Variants in TPTE2 observed in about 807,000 individuals in gnomAD.
TPTE2 encodes transmembrane phosphoinositide 3-phosphatase and tensin homolog 2, also known as phosphatidylinositol 3,4,5-trisphosphate 3-phosphatase TPTE2.
TPTE2 carries 53 observed loss-of-function variants against 78.6 expected under a neutral mutation model. That is an observed-to-expected ratio of 0.67 (90% CI 0.54 to 0.85). The LOEUF (loss-of-function observed/expected upper bound fraction) is 0.85, where lower values mean the gene tolerates loss of function less well. Ranked by LOEUF, TPTE2 falls within the 40% of genes least tolerant of loss-of-function variation. TPTE2 has a pLI of 0.00. For missense variants in TPTE2, 461 were observed against 623.0 expected, an observed-to-expected ratio of 0.74 and a Z score of 2.77; for synonymous variants, 175 against 206.2, an observed-to-expected ratio of 0.85 and a Z score of 1.30.
chr13:19,492,531 C>G (rs1319396440), intron 3 of TPTE2, among the ~76,000 whole-genome samples: 1 of 152,164 alleles, frequency 6.6e-6, no homozygotes, highest in Non-Finnish European at 1.5e-5. Flanking sequence ...AGAAGCAGCT[C>G]TCCTACGAAC....
At chr13:19,549,275 T>C in the TPTE2 span, among the ~76,000 whole-genome samples, 2 of 152,116 alleles carry the variant, frequency 1.3e-5, no homozygotes, top group African/African-American at 4.8e-5. Flanking sequence ...AAAGGTCTAA[T>C]ATCCAGAATC....
chr13:19,471,958 GT>G (rs972829819), intron 6 of TPTE2, among the ~76,000 whole-genome samples: 7 of 152,170 alleles, frequency 4.6e-5, no homozygotes, highest in African/African-American at 1.7e-4. Context: ...TAGGGTAAAT[GT>G]TTTTTTCCTT....
At chr13:19,542,058 T>A in the TPTE2 span, among the ~76,000 whole-genome samples, 1 of 152,354 alleles carries the variant, frequency 6.6e-6, no homozygotes, top group Non-Finnish European at 1.5e-5. Context: ...TTGAGTAATT[T>A]GCCCATGAAA....
intron 3 of TPTE2, among the ~76,000 whole-genome samples, chr13:19,484,773 G>A (rs1210180152): frequency 6.6e-6 from 1 of 152,084 alleles, no homozygotes; most frequent in African/African-American, 2.4e-5. Context: ...CTTGAACTCT[G>A]TTTTGTCTGA....
At chr13:19,444,288 C>T (rs994676999) in intron 13 of TPTE2, among the ~76,000 whole-genome samples, 3 of 108,336 alleles carry the variant, frequency 2.8e-5, no homozygotes, top group East Asian at 2.9e-4. Context: ...GCCTGGGTGA[C>T]AGAATGAGAC....
intron 1 of TPTE2, among the ~76,000 whole-genome samples, chr13:19,514,592 A>AGAGTGTGTGTGTGTGTGTGTGTGTGT (rs542178212): frequency 1.6e-5 from 2 of 126,822 alleles, no homozygotes; most frequent in African/African-American, 5.4e-5. Flanking sequence ...TACTTCTGAG[A>AGAGTGTGTGTGTGTGTGTGTGTGTGT]GTGTGTGTGT....
intron 1 of TPTE2, among the ~76,000 whole-genome samples, chr13:19,526,313 A>T (rs1296998644): frequency 2.6e-5 from 4 of 152,204 alleles, no homozygotes; most frequent in Non-Finnish European, 4.4e-5. Flanking sequence ...AACTGAATTT[A>T]AAAAATGTGG....
At chr13:19,525,285 T>C (rs116392925) in intron 1 of TPTE2, among the ~76,000 whole-genome samples, 3,858 of 152,256 alleles carry the variant, frequency 0.025, 126 homozygotes, top group African/African-American at 0.074. Flanking sequence ...CCACACTACC[T>C]GACTTCAAAC....
chr13:19,538,386 A>C (rs937581894), upstream of TPTE2, among the ~76,000 whole-genome samples: 1 of 150,594 alleles, frequency 6.6e-6, no homozygotes, highest in South Asian at 2.1e-4. Flanking sequence ...ACCCCCGGCT[A>C]ATTTGTTGTA....
rs1473314079 is a variant in TPTE2, at chr13:19,424,991, A to T, written c.1422T>A (p.Cys474Ter). The T allele has an allele frequency of 1.9e-6, 3 of 1,548,414 alleles. No homozygotes were observed. The highest frequency in any genetic ancestry group is 3.4e-4 in the Middle Eastern group (2 of 5,864). ...ACGTGTTGAACCAGAAGAAAAATGGACAATTGTCATAGTATTTAGGAAGAT... is the reference window on the plus strand; with the variant it reads ...ACGTGTTGAACCAGAAGAAAAATGGTCAATTGTCATAGTATTTAGGAAGAT... Residue 474 changes from cysteine (C) to a stop codon, truncating the protein, a stop_gained, in exon 19 of 20, where the codon TGT becomes TGA. Coordinates refer to ENST00000400230, the Ensembl canonical transcript of TPTE2. LOFTEE classifies it low-confidence loss of function (END_TRUNC).
chr13:19,532,140 G>C (rs1300178833), intron 1 of TPTE2, among the ~76,000 whole-genome samples: 1 of 152,124 alleles, frequency 6.6e-6, no homozygotes, highest in Non-Finnish European at 1.5e-5. Context: ...AATTAAACAG[G>C]CCTCCCAGCC....
At chr13:19,556,540 C>T in the TPTE2 span, among the ~76,000 whole-genome samples, 1 of 152,210 alleles carries the variant, frequency 6.6e-6, no homozygotes, top group East Asian at 1.9e-4. Context: ...CTCCCCCCCA[C>T]CTTTGAGTTG....
chr13:19,518,430 T>C (rs534121331), intron 1 of TPTE2, among the ~76,000 whole-genome samples: 1 of 152,230 alleles, frequency 6.6e-6, no homozygotes, highest in East Asian at 1.9e-4. Context: ...ACCCAACTTT[T>C]AAAAAATGGG....
chr13:19,476,871 A>G (rs1233171806), intron 4 of TPTE2, among the ~76,000 whole-genome samples: 8 of 152,220 alleles, frequency 5.3e-5, no homozygotes, highest in Admixed American at 3.3e-4. Flanking sequence ...GTAGATACCC[A>G]GAGGAATATA....
At position 19,461,524 on chromosome 13, in the gene TPTE2, A is replaced by G. The variant is rs188710945; in HGVS notation, c.741+2932T>C. On this transcript the variant is annotated intron_variant, in intron 10 of 19. Transcript: ENST00000400230. ...CTACAGAACACCAGAACTTTTTCCT[A>G]TCTGTAAGCTTAAATCTCATATTTC... Among the ~76,000 whole-genome samples, 25 of 152,234 alleles carry G rather than the reference A, an allele frequency of 1.6e-4. No individual in the cohort carries two copies. In the East Asian group the frequency reaches 4.8e-3, roughly 29 times the overall value.
At chr13:19,481,484 C>A (rs1319147692) in intron 4 of TPTE2, among the ~76,000 whole-genome samples, 5 of 152,292 alleles carry the variant, frequency 3.3e-5, no homozygotes, top group Admixed American at 1.3e-4. Context: ...CCAATATCAT[C>A]CCCCTGGTAT....
intron 1 of TPTE2, among the ~76,000 whole-genome samples, chr13:19,526,620 GCTTATCAC>G (rs1400633452): frequency 1.3e-5 from 2 of 152,138 alleles, no homozygotes; most frequent in Non-Finnish European, 2.9e-5. Flanking sequence ...CAGGTACTAT[GCTTATCAC>G]CTGAGTGACA....
intron 17 of TPTE2, among the ~76,000 whole-genome samples, chr13:19,429,597 AT>A (rs1169193900): frequency 1.3e-5 from 2 of 152,176 alleles, no homozygotes; most frequent in Non-Finnish European, 2.9e-5. Flanking sequence ...GGAATGGGTC[AT>A]TCTTTAAGAA....
upstream of TPTE2, among the ~76,000 whole-genome samples, chr13:19,537,430 A>G (rs1013730051): frequency 1.3e-5 from 2 of 151,090 alleles, no homozygotes; most frequent in Non-Finnish European, 2.9e-5. Flanking sequence ...ACAGGGTTTC[A>G]CCTTGTTAGC....
Sources: gnomAD v4.1 joint callset for allele counts (sites outside exome capture counted in the v4.1 genomes callset) on GRCh38, gnomAD v4.1.1 for gene constraint, MANE v1.5 for transcripts, NCBI Gene and HGNC (gene_info 2026-07-23, HGNC 2026-07-21) for gene names.